The following MICAL3 variants were observed in gnomAD, a reference collection of about 807,000 sequenced individuals.
MICAL3 encodes microtubule associated monooxygenase, calponin and LIM domain containing 3.
MICAL3 carries 62 observed loss-of-function variants against 207.4 expected under a neutral mutation model. The observed-to-expected ratio is 0.30, with a 90% CI of 0.24 to 0.37. The LOEUF (loss-of-function observed/expected upper bound fraction) is 0.37, where lower values mean the gene tolerates loss of function less well. Among genes scored for constraint, MICAL3 ranks in the 10% least tolerant of loss-of-function variants. The pLI is 1.00. For missense variants in MICAL3, 2,368 were observed against 2,635.6 expected, an observed-to-expected ratio of 0.90 and a Z score of 2.22; for synonymous variants, 1,077 against 1,069.3, an observed-to-expected ratio of 1.01 and a Z score of -0.14.
chr22:17,896,306 G>A lies in MICAL3; in HGVS notation c.1262C>T (p.Ser421Phe). 1 of 1,562,164 alleles carries A rather than the reference G, an allele frequency of 6.4e-7. No individual in the cohort carries two copies. The highest frequency in any genetic ancestry group is 8.7e-7 in the Non-Finnish European group (1 of 1,152,674). The stretch of plus-strand genomic sequence containing the variant: ...AGACCAACTTCGGACCATCCAGGCA[G>A]AGTCCATAGCAGCTAGAAAGCCCCG... Reference protein sequence around the residue: ...IARGFLAAMDSAWMVRSWSLG... With the variant: ...IARGFLAAMDFAWMVRSWSLG... Residue 421 changes from serine to phenylalanine, a missense_variant, in exon 9 of 32, where the codon TCT (serine) becomes TTT (phenylalanine). Ser to Phe is a radical substitution (Grantham distance 155, BLOSUM62 -2). Transcript: ENST00000441493.
At chr22:17,843,991 C>T (rs540434493) in intron 19 of MICAL3, among the ~76,000 whole-genome samples, 21 of 152,320 alleles carry the variant, frequency 1.4e-4, no homozygotes, top group African/African-American at 4.3e-4. Context: ...GGACTACGGG[C>T]GCCTGCCACA....
intron 1 of MICAL3, among the ~76,000 whole-genome samples, chr22:17,939,172 T>A (rs964499201): frequency 1.3e-5 from 2 of 152,210 alleles, no homozygotes; most frequent in Non-Finnish European, 2.9e-5. Context: ...TGATCAGCCC[T>A]GCACGGCCTG....
At chr22:17,993,251 CT>C (rs5844343) in intron 1 of MICAL3, among the ~76,000 whole-genome samples, 88,678 of 149,870 alleles carry the variant, frequency 0.59, 26,511 homozygotes, top group Middle Eastern at 0.72. Flanking sequence ...TCCCAGATGG[CT>C]TTTTTTTTTT....
chr22:17,970,077 G>A (rs5992930), intron 1 of MICAL3, among the ~76,000 whole-genome samples: 3 of 152,138 alleles, frequency 2.0e-5, no homozygotes, highest in South Asian at 2.1e-4. Flanking sequence ...TGCTCCAGCC[G>A]CTCCAGCAGG....
At chr22:17,858,454 G>A in intron 19 of MICAL3, 2 of 985,322 alleles carry the variant, frequency 2.0e-6, no homozygotes, top group Non-Finnish European at 2.4e-6. Context: ...AAAGGGGCTG[G>A]AATTCGGAAA....
At chr22:17,890,129 G>A (rs1287869153) in intron 12 of MICAL3, among the ~76,000 whole-genome samples, 1 of 152,106 alleles carries the variant, frequency 6.6e-6, no homozygotes, top group Admixed American at 6.6e-5. Flanking sequence ...TCAGAAGACT[G>A]ATCGCATTCT....
chr22:17,983,026 T>C (rs2146442988), intron 1 of MICAL3, among the ~76,000 whole-genome samples: 1 of 152,320 alleles, frequency 6.6e-6, no homozygotes. Flanking sequence ...AGCCTGGGAA[T>C]GCCTCTGGGC....
At chr22:17,842,998 G>A (rs1028396630) in intron 19 of MICAL3, among the ~76,000 whole-genome samples, 1 of 151,990 alleles carries the variant, frequency 6.6e-6, no homozygotes, top group African/African-American at 2.4e-5. Context: ...GCGGGCGCCT[G>A]TAGTCCCAGC....
intron 1 of MICAL3, among the ~76,000 whole-genome samples, chr22:17,973,180 GCAGA>G (rs1935497557): frequency 1.3e-5 from 2 of 152,234 alleles, no homozygotes; most frequent in African/African-American, 4.8e-5. Context: ...GTGTGTGCAT[GCAGA>G]CAGAGGCGCT....
At chr22:17,877,225 G>C (rs866095255) in intron 16 of MICAL3, among the ~76,000 whole-genome samples, 4 of 60,340 alleles carry the variant, frequency 6.6e-5, no homozygotes, top group East Asian at 5.0e-4. Flanking sequence ...ATGGAGGTTA[G>C]GGAGGTTATG....
At chr22:17,969,319 A>G (rs1465693972) in intron 1 of MICAL3, among the ~76,000 whole-genome samples, 3 of 152,220 alleles carry the variant, frequency 2.0e-5, no homozygotes, top group Admixed American at 6.5e-5. Context: ...GATTACAGGC[A>G]TGAGCCACTG....
intron 1 of MICAL3, among the ~76,000 whole-genome samples, chr22:17,975,169 A>C (rs1454237846): frequency 1.3e-5 from 2 of 152,206 alleles, no homozygotes; most frequent in Non-Finnish European, 2.9e-5. Context: ...AAATGGTTCT[A>C]AGTTCTGCAG....
At chr22:17,814,334 G>A (rs2062079661) in intron 27 of MICAL3, 1 of 152,206 alleles carries the variant, frequency 6.6e-6, no homozygotes, top group African/African-American at 2.4e-5. Context: ...ATGACCTTTT[G>A]TAATGAATCA....
intron 1 of MICAL3, among the ~76,000 whole-genome samples, chr22:18,010,445 G>T (rs1017387421): frequency 1.3e-5 from 2 of 152,158 alleles, no homozygotes; most frequent in South Asian, 2.1e-4. Flanking sequence ...AATAGTGCAG[G>T]GAAAGTGAGA....
intron 1 of MICAL3, among the ~76,000 whole-genome samples, chr22:18,003,834 A>G (rs1282512048): frequency 6.6e-6 from 1 of 151,172 alleles, no homozygotes; most frequent in African/African-American, 2.4e-5. Flanking sequence ...CGGTGGTGCC[A>G]TCTCAGCTCA....
At chr22:17,895,043 A>G (rs1240153017) in intron 10 of MICAL3, among the ~76,000 whole-genome samples, 1 of 152,232 alleles carries the variant, frequency 6.6e-6, no homozygotes, top group Non-Finnish European at 1.5e-5. Context: ...CGTGGCATAA[A>G]GGCCTGGATT....
intron 3 of MICAL3, among the ~76,000 whole-genome samples, chr22:17,904,217 T>C (rs988433701): frequency 1.3e-5 from 2 of 152,218 alleles, no homozygotes; most frequent in African/African-American, 2.4e-5. Context: ...TAGTAGAGAA[T>C]GTATCAGCTC....
At chr22:17,973,906 T>C (rs1440160964) in intron 1 of MICAL3, among the ~76,000 whole-genome samples, 5 of 152,094 alleles carry the variant, frequency 3.3e-5, no homozygotes, top group African/African-American at 1.2e-4. Context: ...CACAGTGAGA[T>C]GCTGTCTCAA....
At chr22:17,823,280 G>C (rs1052969478) in intron 22 of MICAL3, among the ~76,000 whole-genome samples, 1 of 152,232 alleles carries the variant, frequency 6.6e-6, no homozygotes, top group Non-Finnish European at 1.5e-5. Context: ...CTCAATGCTA[G>C]GGGCCAAGTG....
Sources: gnomAD v4.1 joint callset for allele counts (sites outside exome capture counted in the v4.1 genomes callset) on GRCh38, gnomAD v4.1.1 for gene constraint, MANE v1.5 for transcripts, NCBI Gene and HGNC (gene_info 2026-07-23, HGNC 2026-07-21) for gene names.